The following ICE2 variants were observed in gnomAD, a reference collection of about 807,000 sequenced individuals.
ICE2 encodes little elongation complex subunit 2.
A neutral mutation model predicts 105.4 loss-of-function variants in ICE2; 87 were observed. The ratio of observed to expected loss-of-function variants is 0.83; its 90% confidence interval spans 0.69 to 0.99. The LOEUF (loss-of-function observed/expected upper bound fraction) is 0.99, where lower values mean the gene tolerates loss of function less well. Among genes scored for constraint, ICE2 ranks in the 50% least tolerant of loss-of-function variants. ICE2 has a pLI of 0.00. For synonymous variants in ICE2, 399 were observed against 392.0 expected, an observed-to-expected ratio of 1.02 and a Z score of -0.21; for missense variants, 1,323 against 1,146.7, an observed-to-expected ratio of 1.15 and a Z score of -2.22.
chr15:60,450,193 T>C (rs1445714623), intron 9 of ICE2, among the ~76,000 whole-genome samples: 1 of 152,158 alleles, frequency 6.6e-6, no homozygotes, highest in Non-Finnish European at 1.5e-5. Context: ...TTTTCATTTA[T>C]GTCTACTCTA....
At chr15:60,465,750 C>CTT (rs201899350) in intron 5 of ICE2, among the ~76,000 whole-genome samples, 71 of 126,972 alleles carry the variant, frequency 5.6e-4, no homozygotes, top group Non-Finnish European at 8.0e-4. Context: ...ATACTTTATT[C>CTT]TTTTTTTTTT....
chr15:60,430,524 T>G (rs1387592146), intron 14 of ICE2, among the ~76,000 whole-genome samples: 1 of 152,150 alleles, frequency 6.6e-6, no homozygotes, highest in Non-Finnish European at 1.5e-5. Context: ...TCAAAAAACA[T>G]CTGGCAAATT....
At chr15:60,458,873 G>A (rs1397650233) in intron 5 of ICE2, among the ~76,000 whole-genome samples, 2 of 152,062 alleles carry the variant, frequency 1.3e-5, no homozygotes, top group African/African-American at 4.8e-5. Context: ...GACAGATACT[G>A]TATGTTTCCT....
intron 12 of ICE2, chr15:60,439,074 A>G (rs1477282297): frequency 6.6e-6 from 1 of 152,138 alleles, no homozygotes; most frequent in African/African-American, 2.4e-5. Context: ...ATAGGTAGGT[A>G]CTCCTTGCTT....
intron 11 of ICE2, among the ~76,000 whole-genome samples, chr15:60,445,041 T>C (rs1048775922): frequency 6.6e-6 from 1 of 152,196 alleles, no homozygotes; most frequent in Non-Finnish European, 1.5e-5. Context: ...GGTTCTCCTT[T>C]AAAGTGCAAC....
chr15:60,444,217 T>A (rs2063776843), intron 11 of ICE2, among the ~76,000 whole-genome samples: 1 of 152,146 alleles, frequency 6.6e-6, no homozygotes, highest in African/African-American at 2.4e-5. Flanking sequence ...TGGGTAAGAG[T>A]TAATTCCATA....
intron 8 of ICE2, 58 bp downstream of exon 8, chr15:60,454,945 A>G (rs1414980327): frequency 7.0e-7 from 1 of 1,421,244 alleles, no homozygotes; most frequent in African/African-American, 1.5e-5. Flanking sequence ...TATGAGTGAG[A>G]ACATGCAGTC....
intron 5 of ICE2, among the ~76,000 whole-genome samples, chr15:60,459,275 A>T (rs914711142): frequency 6.6e-6 from 1 of 152,186 alleles, no homozygotes; most frequent in Non-Finnish European, 1.5e-5. Context: ...ACCAAAATTA[A>T]AGTACAGTAA....
Position 60,453,666 on chromosome 15 carries a change from G to GA in ICE2, c.1061_1062insT (p.Thr355HisfsTer14). Reference sequence around the variant, plus strand: ...AGACTGCAGAGACTGGAACAGATGTGTTTTTGGACATCATAAATTTTAATG... The same window carrying GA: ...AGACTGCAGAGACTGGAACAGATGTGATTTTTGGACATCATAAATTTTAATG... On this transcript the variant is annotated frameshift_variant, in exon 9 of 16. Coordinates refer to ENST00000261520, the MANE Select transcript of ICE2 (RefSeq NM_024611.6). LOFTEE classifies it high-confidence loss of function. The GA allele has an allele frequency of 6.2e-7, 1 of 1,613,466 alleles. No homozygotes were observed. The highest frequency in any genetic ancestry group is 8.5e-7 in the Non-Finnish European group (1 of 1,179,524).
chr15:60,438,184 G>C (rs755581789), intron 12 of ICE2: 1 of 152,136 alleles, frequency 6.6e-6, no homozygotes, highest in African/African-American at 2.4e-5. Context: ...CGTATGTATT[G>C]TACCATAGTT....
chr15:60,446,305 G>A (rs1408051244), intron 11 of ICE2, among the ~76,000 whole-genome samples: 1 of 152,214 alleles, frequency 6.6e-6, no homozygotes, highest in Non-Finnish European at 1.5e-5. Context: ...TGGACAAAGT[G>A]TACATCCTGG....
chr15:60,444,055 C>T (rs185205358), intron 11 of ICE2, among the ~76,000 whole-genome samples: 288 of 152,204 alleles, frequency 1.9e-3, no homozygotes, highest in African/African-American at 6.3e-3. Context: ...AAGCTATGAT[C>T]GTGCTACTGC....
intron 15 of ICE2, among the ~76,000 whole-genome samples, chr15:60,425,406 T>C (rs1313692650): frequency 2.0e-5 from 3 of 152,220 alleles, no homozygotes; most frequent in South Asian, 2.1e-4. Flanking sequence ...AAACCTCCAC[T>C]GCAAGACTGT....
intron 5 of ICE2, among the ~76,000 whole-genome samples, chr15:60,463,445 G>A (rs1035860273): frequency 3.3e-5 from 5 of 152,058 alleles, no homozygotes; most frequent in African/African-American, 1.2e-4. Flanking sequence ...AAAGAAGGAA[G>A]GCCCAAAAGG....
intron 12 of ICE2, among the ~76,000 whole-genome samples, chr15:60,436,976 G>C (rs1293509266): frequency 1.3e-5 from 2 of 151,996 alleles, no homozygotes; most frequent in Non-Finnish European, 2.9e-5. Context: ...AATTAGACTG[G>C]GTGTGGTGGC....
chr15:60,427,385 A>T (rs1178898789), intron 15 of ICE2, among the ~76,000 whole-genome samples: 1 of 152,196 alleles, frequency 6.6e-6, no homozygotes, highest in African/African-American at 2.4e-5. Context: ...TGTCCTGAAC[A>T]CATTCAGAGT....
chr15:60,467,849 G>C (rs538506258), intron 4 of ICE2, among the ~76,000 whole-genome samples: 1 of 152,276 alleles, frequency 6.6e-6, no homozygotes, highest in African/African-American at 2.4e-5. Context: ...TACTTAAGAT[G>C]AACTGGAGTG....
At chr15:60,455,858 T>C (rs2064095381) in intron 6 of ICE2, among the ~76,000 whole-genome samples, 1 of 152,114 alleles carries the variant, frequency 6.6e-6, no homozygotes, top group Non-Finnish European at 1.5e-5. Flanking sequence ...CCTCAAGTGA[T>C]CCGCCTGCCT....
chr15:60,432,635 G>A (rs2063487614), intron 13 of ICE2, among the ~76,000 whole-genome samples: 1 of 151,874 alleles, frequency 6.6e-6, no homozygotes, highest in Non-Finnish European at 1.5e-5. Context: ...GCTCACGCCT[G>A]TAATCCCAGC....
Sources: allele counts gnomAD v4.1 joint callset (sites outside exome capture counted in the v4.1 genomes callset), GRCh38; gene constraint gnomAD v4.1.1; transcripts MANE v1.5; gene names NCBI Gene and HGNC (gene_info 2026-07-23, HGNC 2026-07-21).